Variants in NAALADL2 observed in about 807,000 individuals in gnomAD.
NAALADL2 encodes the protein N-acetylated alpha-linked acidic dipeptidase like 2.
NAALADL2 carries 76 observed loss-of-function variants against 87.2 expected under a neutral mutation model. That is an observed-to-expected ratio of 0.87 (90% CI 0.72 to 1.05). NAALADL2 has a LOEUF of 1.05. NAALADL2 is among the 50% of genes least tolerant of loss of function. The pLI, the probability that NAALADL2 is intolerant of heterozygous loss-of-function variation, is 0.00. For missense variants in NAALADL2, 1,089 were observed against 945.8 expected (o/e 1.15, Z -1.99); for synonymous variants, 354 against 331.0 (o/e 1.07, Z -0.75).
chr3:174,844,697 A>T, intron 3 of NAALADL2, among the ~76,000 whole-genome samples: 1 of 145,286 alleles, frequency 6.9e-6, no homozygotes, highest in South Asian at 2.2e-4. Flanking sequence ...TTTTCAGTGG[A>T]GAGATCTTTT....
intron 1 of NAALADL2, among the ~76,000 whole-genome samples, chr3:174,446,262 G>A (rs1715042490): frequency 1.3e-5 from 2 of 152,100 alleles, no homozygotes; most frequent in Admixed American, 1.3e-4. Context: ...GGTCAGTCAT[G>A]AAAAACTTCA....
At chr3:175,753,182 C>A (rs1746823257) in intron 12 of NAALADL2, among the ~76,000 whole-genome samples, 1 of 152,096 alleles carries the variant, frequency 6.6e-6, no homozygotes, top group South Asian at 2.1e-4. Context: ...TTTATTCTTA[C>A]TGTTAATTTC....
chr3:175,115,548 T>C (rs1433968466), intron 2 of NAALADL2, among the ~76,000 whole-genome samples: 3 of 151,680 alleles, frequency 2.0e-5, no homozygotes, highest in African/African-American at 7.2e-5. Context: ...GTATAATGTT[T>C]GTGTAAAAGA....
At chr3:175,500,584 G>T (rs1729402016) in intron 9 of NAALADL2, among the ~76,000 whole-genome samples, 3 of 151,966 alleles carry the variant, frequency 2.0e-5, no homozygotes, top group Admixed American at 2.0e-4. Flanking sequence ...TAAAATAAAA[G>T]CCCTGTGCTC....
chr3:174,681,092 G>T (rs1467969094), intron 2 of NAALADL2, among the ~76,000 whole-genome samples: 1 of 152,110 alleles, frequency 6.6e-6, no homozygotes. Flanking sequence ...TGTCACAGCA[G>T]AAAGAAACAC....
intron 3 of NAALADL2, among the ~76,000 whole-genome samples, chr3:174,800,979 A>AT (rs1301341852): frequency 6.6e-6 from 1 of 152,104 alleles, no homozygotes; most frequent in Non-Finnish European, 1.5e-5. Context: ...CTGTACCCCC[A>AT]TTGGATCTAG....
rs1424198432 is a variant in NAALADL2, at chr3:175,731,660, A to G, written c.1897-5646A>G. On this transcript the variant is annotated intron_variant, in intron 11 of 13. Transcript: ENST00000454872. ...ATCTTCCTCTTGCTTACGAAGCTGC[A>G]AAGAAAGCTGATTTAGTCTAACCAT... is the stretch of plus-strand genomic sequence containing the variant. Among the ~76,000 whole-genome samples, 3 of 152,192 alleles carry G rather than the reference A, an allele frequency of 2.0e-5. No homozygotes were observed. The East Asian group carries it at 5.8e-4, about 29-fold the overall frequency.
At chr3:175,353,498 G>A (rs142176727) in intron 5 of NAALADL2, among the ~76,000 whole-genome samples, 1,578 of 152,224 alleles carry the variant, frequency 0.01, 13 homozygotes, top group South Asian at 0.02. Flanking sequence ...AATTGCTACT[G>A]CATTAAACAA....
intron 2 of NAALADL2, among the ~76,000 whole-genome samples, chr3:174,705,557 G>C (rs1243135808): frequency 6.6e-6 from 1 of 152,120 alleles, no homozygotes; most frequent in Non-Finnish European, 1.5e-5. Context: ...GGCCGAGGCG[G>C]GTGGATCACG....
At chr3:175,533,836 G>T (rs1048558145) in intron 9 of NAALADL2, among the ~76,000 whole-genome samples, 1 of 152,090 alleles carries the variant, frequency 6.6e-6, no homozygotes, top group African/African-American at 2.4e-5. Context: ...CTGAGGATCT[G>T]CTTCTGAAGC....
At chr3:175,412,928 T>TTATTATTATTAC (rs1713841496) in intron 5 of NAALADL2, among the ~76,000 whole-genome samples, 1 of 146,774 alleles carries the variant, frequency 6.8e-6, no homozygotes, top group African/African-American at 2.5e-5. Flanking sequence ...ATTATTATTA[T>TTATTATTATTAC]TTTTGAGACG....
Position 175,691,974 on chromosome 3 carries a change from G to A in NAALADL2, c.1897-45332G>A, listed in dbSNP as rs537989751. ...AATTACATTTTGCTGCTCCTTTCTC[G>A]AATATGATGCTGCTAAAGTCTTTCA... is the stretch of plus-strand genomic sequence containing the variant. On this transcript the variant is annotated intron_variant, in intron 11 of 13. Transcript: ENST00000454872. 5.9e-5 allele frequency among the ~76,000 whole-genome samples: 9 copies of A among 152,106 alleles called. No individual in the cohort carries two copies. In the East Asian group the frequency reaches 7.8e-4, roughly 13 times the overall value.
At chr3:174,653,396 A>G (rs1724580449) in intron 2 of NAALADL2, among the ~76,000 whole-genome samples, 1 of 152,118 alleles carries the variant, frequency 6.6e-6, no homozygotes, top group Non-Finnish European at 1.5e-5. Flanking sequence ...CTTCATATTC[A>G]TGTTTCTGTC....
chr3:174,456,411 C>CAAAAAAAA (rs59833697), intron 1 of NAALADL2, among the ~76,000 whole-genome samples: 61 of 56,340 alleles, frequency 1.1e-3, no homozygotes, highest in East Asian at 2.2e-3. Flanking sequence ...CAATCCTAAG[C>CAAAAAAAA]AAAAAAAAAA....
intron 1 of NAALADL2, among the ~76,000 whole-genome samples, chr3:174,503,893 A>G: frequency 6.6e-6 from 1 of 152,158 alleles, no homozygotes. Flanking sequence ...AAATTCACAG[A>G]TTAATAGAGA....
chr3:175,316,358 T>C (rs961127254), intron 4 of NAALADL2, among the ~76,000 whole-genome samples: 4 of 152,154 alleles, frequency 2.6e-5, no homozygotes, highest in Non-Finnish European at 4.4e-5. Flanking sequence ...TGCTCCTTTT[T>C]TGTCAACAGT....
chr3:174,962,663 G>C (rs1301656295), intron 1 of NAALADL2, among the ~76,000 whole-genome samples: 1 of 151,912 alleles, frequency 6.6e-6, no homozygotes, highest in Non-Finnish European at 1.5e-5. Context: ...ACTGCCTTCT[G>C]TCTGTTAAAC....
chr3:174,771,319 G>C (rs1022697815), intron 3 of NAALADL2, among the ~76,000 whole-genome samples: 1 of 152,128 alleles, frequency 6.6e-6, no homozygotes, highest in Admixed American at 6.6e-5. Flanking sequence ...GTTAGGTAAG[G>C]CTTCAAGCTA....
intron 3 of NAALADL2, among the ~76,000 whole-genome samples, chr3:174,778,790 C>G (rs1715562932): frequency 6.6e-6 from 1 of 152,106 alleles, no homozygotes; most frequent in Admixed American, 6.6e-5. Context: ...CACCCATGCC[C>G]CTGCAAAGGA....
Sources: allele counts gnomAD v4.1 joint callset (sites outside exome capture counted in the v4.1 genomes callset), GRCh38; gene constraint gnomAD v4.1.1; transcripts MANE v1.5; gene names NCBI Gene and HGNC (gene_info 2026-07-23, HGNC 2026-07-21).